SUGCT: variants seen among roughly 807,000 people sequenced by gnomAD.
SUGCT encodes the protein succinyl-CoA:glutarate-CoA transferase.
SUGCT carries 41 observed loss-of-function variants against 55.0 expected under a neutral mutation model. That is an observed-to-expected ratio of 0.74 (90% CI 0.58 to 0.97). The LOEUF (loss-of-function observed/expected upper bound fraction) is 0.97, where lower values mean the gene tolerates loss of function less well. Ranked by LOEUF, SUGCT falls within the 50% of genes least tolerant of loss-of-function variation. The pLI, the probability that SUGCT is intolerant of heterozygous loss-of-function variation, is 0.00. For synonymous variants in SUGCT, 187 were observed against 200.4 expected (o/e 0.93, Z 0.56); for missense variants, 568 against 547.8 (o/e 1.04, Z -0.37).
At chr7:40,531,335 G>T (rs1288377517) in intron 12 of SUGCT, among the ~76,000 whole-genome samples, 1 of 152,090 alleles carries the variant, frequency 6.6e-6, no homozygotes, top group Admixed American at 6.6e-5. Context: ...GAAACAACTG[G>T]CTCACAGCCA....
At chr7:40,425,615 ACT>A (rs1787548822) in intron 9 of SUGCT, among the ~76,000 whole-genome samples, 1 of 151,930 alleles carries the variant, frequency 6.6e-6, no homozygotes, top group Admixed American at 6.6e-5. Flanking sequence ...CTACAAAGTG[ACT>A]CTCAGCTTTC....
Position 40,345,953 on chromosome 7 carries a change from GT to G in SUGCT, c.816+29107del, listed in dbSNP as rs201810907. ...TCCTATATTGTTCTTGTTTGTTTTT[GT>G]TTTTTTTTATATTAATTTTTTGTAC... On this transcript the variant is annotated intron_variant, in intron 9 of 13. Transcript: ENST00000335693. 9.3e-3 allele frequency among the ~76,000 whole-genome samples: 1,391 copies of G among 149,812 alleles called. 19 individuals are homozygous for G. Among genetic ancestry groups the G allele is most frequent in the Admixed American group, 0.03 (444 of 15,018 alleles).
chr7:40,547,468 T>G (rs1185685601), intron 12 of SUGCT, among the ~76,000 whole-genome samples: 3 of 152,192 alleles, frequency 2.0e-5, no homozygotes, highest in Non-Finnish European at 4.4e-5. Flanking sequence ...AGTAGAGTGT[T>G]TTATTTATTT....
At chr7:40,695,222 G>A (rs1016956992) in intron 12 of SUGCT, among the ~76,000 whole-genome samples, 1 of 112,394 alleles carries the variant, frequency 8.9e-6, no homozygotes, top group South Asian at 2.8e-4. Context: ...TTTATTTTGA[G>A]ACAGGGTCTC....
At chr7:40,480,097 G>A (rs1790939628) in intron 11 of SUGCT, among the ~76,000 whole-genome samples, 1 of 151,790 alleles carries the variant, frequency 6.6e-6, no homozygotes, top group Non-Finnish European at 1.5e-5. Context: ...TGTTTCTCAG[G>A]CCAATATTAG....
chr7:40,691,213 T>C (rs999073565), intron 12 of SUGCT, among the ~76,000 whole-genome samples: 1 of 152,186 alleles, frequency 6.6e-6, no homozygotes, highest in Non-Finnish European at 1.5e-5. Context: ...AAATGGTTTT[T>C]GGGCTCAAGG....
chr7:40,895,973 T>C, the SUGCT span, among the ~76,000 whole-genome samples: 1 of 152,200 alleles, frequency 6.6e-6, no homozygotes, highest in South Asian at 2.1e-4. Flanking sequence ...TCTCTTGTAT[T>C]TAATATAGTA....
intron 8 of SUGCT, among the ~76,000 whole-genome samples, chr7:40,292,146 A>G (rs536703486): frequency 6.6e-6 from 1 of 152,344 alleles, no homozygotes; most frequent in South Asian, 2.1e-4. Flanking sequence ...CCATATGTAT[A>G]TACATACATT....
At chr7:40,284,418 G>A (rs1330933707) in intron 8 of SUGCT, among the ~76,000 whole-genome samples, 2 of 151,852 alleles carry the variant, frequency 1.3e-5, no homozygotes, top group Non-Finnish European at 2.9e-5. Context: ...GACCAGCCTG[G>A]CCAACCTAGT....
chr7:40,624,412 T>G (rs543229587), intron 12 of SUGCT, among the ~76,000 whole-genome samples: 1 of 152,364 alleles, frequency 6.6e-6, no homozygotes, highest in African/African-American at 2.4e-5. Flanking sequence ...TTTACAGTAC[T>G]TAACATGTAA....
chr7:40,785,603 C>A (rs1789971159), intron 13 of SUGCT, among the ~76,000 whole-genome samples: 1 of 152,090 alleles, frequency 6.6e-6, no homozygotes, highest in African/African-American at 2.4e-5. Flanking sequence ...GGCATTCTTG[C>A]CCCTCACTTT....
chr7:40,624,632 A>C (rs918939779), intron 12 of SUGCT, among the ~76,000 whole-genome samples: 1 of 152,088 alleles, frequency 6.6e-6, no homozygotes, highest in Non-Finnish European at 1.5e-5. Flanking sequence ...GCACCTCTAT[A>C]TGCGGTTTTA....
At chr7:40,625,586 C>T (rs1799488790) in intron 12 of SUGCT, among the ~76,000 whole-genome samples, 1 of 152,108 alleles carries the variant, frequency 6.6e-6, no homozygotes, top group African/African-American at 2.4e-5. Context: ...TTCCTTCTTA[C>T]CCATGCCTCC....
chr7:40,970,511 T>C, the SUGCT span, among the ~76,000 whole-genome samples: 1 of 152,106 alleles, frequency 6.6e-6, no homozygotes, highest in Non-Finnish European at 1.5e-5. Context: ...TTCATTCAGG[T>C]ATAGATTTTC....
At chr7:40,204,476 C>G (rs544382400) in intron 6 of SUGCT, among the ~76,000 whole-genome samples, 1 of 151,916 alleles carries the variant, frequency 6.6e-6, no homozygotes, top group African/African-American at 2.4e-5. Context: ...CTAATTTTTT[C>G]TATTTTTAGT....
chr7:40,238,398 G>T (rs542735717), intron 7 of SUGCT, among the ~76,000 whole-genome samples: 33 of 151,858 alleles, frequency 2.2e-4, no homozygotes, highest in Admixed American at 5.3e-4. Context: ...AAAGGCTCTC[G>T]GGGAAAGCAA....
chr7:40,939,816 C>A, the SUGCT span, among the ~76,000 whole-genome samples: 3 of 152,186 alleles, frequency 2.0e-5, no homozygotes, highest in Non-Finnish European at 4.4e-5. Context: ...AATATTTTCT[C>A]CCATTCTGTT....
At chr7:40,913,912 G>A in the SUGCT span, among the ~76,000 whole-genome samples, 2 of 152,198 alleles carry the variant, frequency 1.3e-5, no homozygotes, top group African/African-American at 2.4e-5. Flanking sequence ...ATATGGCCAG[G>A]TCTGGCATCA....
intron 9 of SUGCT, among the ~76,000 whole-genome samples, chr7:40,324,448 G>C (rs1408445871): frequency 6.6e-6 from 1 of 151,598 alleles, no homozygotes; most frequent in Non-Finnish European, 1.5e-5. Context: ...TAGAGATGGG[G>C]TTTCACCATG....
Sources: allele counts gnomAD v4.1 joint callset (sites outside exome capture counted in the v4.1 genomes callset), GRCh38; gene constraint gnomAD v4.1.1; transcripts MANE v1.5; gene names NCBI Gene and HGNC (gene_info 2026-07-23, HGNC 2026-07-21).